Variants in ERBB2 observed in about 807,000 individuals in gnomAD.
The protein encoded by ERBB2 is receptor tyrosine-protein kinase erbB-2.
A neutral mutation model predicts 149.0 loss-of-function variants in ERBB2; 61 were observed. The observed-to-expected ratio is 0.41, with a 90% CI of 0.33 to 0.51. The LOEUF is 0.51. Ranked by LOEUF, ERBB2 falls within the 20% of genes least tolerant of loss-of-function variation. The pLI is 0.25. For missense variants in ERBB2, 1,205 were observed against 1,655.1 expected (o/e 0.73, Z 4.72); for synonymous variants, 633 against 678.8 (o/e 0.93, Z 1.05).
In ERBB2 at chr17:39,726,420, G is replaced by T; in HGVS notation, c.2873-142G>T. ...AAAGGTTCTGGCTGAAGACCCCAGAGTCTGGTGCTACTTCTCTACCACCTG... is the reference window on the plus strand; with the variant it reads ...AAAGGTTCTGGCTGAAGACCCCAGATTCTGGTGCTACTTCTCTACCACCTG... On this transcript the variant is annotated intron_variant, in intron 23 of 26. Coordinates refer to ENST00000269571, the MANE Select transcript of ERBB2 (RefSeq NM_004448.4). This position sits in a 1 kb window ranked among gnomAD's most constrained non-coding sequence, Gnocchi z 5.1. 1.5e-6 allele frequency: 1 copy of T among 676,884 alleles called. No homozygotes were observed. The highest frequency in any genetic ancestry group is 1.6e-5 in the South Asian group (1 of 61,538). The allele number at this position is 676,884 out of a possible 1,614,324, so 41.9% of individuals were successfully genotyped here.
In ERBB2 at chr17:39,725,940, G is replaced by C; in HGVS notation, c.2872+87G>C. The C allele has an allele frequency of 7.1e-7, 1 of 1,405,738 alleles. No homozygotes were observed. Among genetic ancestry groups the C allele is most frequent in the South Asian group, 1.2e-5 (1 of 83,196 alleles). 87.1% of individuals were successfully genotyped at this position (1,405,738 alleles called of 1,614,324 possible). On this transcript the variant is annotated intron_variant, in intron 23 of 26. Transcript: ENST00000269571. The surrounding 1 kb of genome is among the most constrained non-coding windows in gnomAD (Gnocchi z 4.6). The stretch of plus-strand genomic sequence containing the variant: ...CACAAGGGGCATGAAAGGGGACCAG[G>C]ATGTATGTAGACCCAGGAGCCCTAG...
In ERBB2 at chr17:39,709,808, C is replaced by T. The variant is rs745439220; in HGVS notation, c.575-5C>T. ...CTCACTGCCTGTCTCTGGTTCTGTCCTCAGGCCACCCCTGTTCTCCGATGT... is the reference window on the plus strand; with the variant it reads ...CTCACTGCCTGTCTCTGGTTCTGTCTTCAGGCCACCCCTGTTCTCCGATGT... On this transcript the variant is annotated splice_polypyrimidine_tract_variant and splice_region_variant and intron_variant, in intron 4 of 26. Coordinates refer to ENST00000269571, the MANE Select transcript of ERBB2 (RefSeq NM_004448.4). The T allele has an allele frequency of 6.2e-7, 1 of 1,612,746 alleles. No individual in the cohort carries two copies. Among genetic ancestry groups the T allele is most frequent in the South Asian group, 1.1e-5 (1 of 91,074 alleles).
rs963144225 is a variant in ERBB2, at chr17:39,719,896, G to C, written c.1946+62G>C. ...TTCACTCCCCCACTGGATGCTGGGT[G>C]GTCACTGCTGTAGGGAGGGGACCCC... On this transcript the variant is annotated intron_variant, in intron 16 of 26. Coordinates refer to ENST00000269571, the MANE Select transcript of ERBB2 (RefSeq NM_004448.4). 1.4e-5 allele frequency: 22 copies of C among 1,523,396 alleles called. No individual in the cohort carries two copies. In the Admixed American group the frequency reaches 1.5e-4, roughly 10 times the overall value. The allele number at this position is 1,523,396 out of a possible 1,614,324, so 94.4% of individuals were successfully genotyped here. A position where few individuals can be genotyped will look rare whatever the true frequency, so the allele number is the denominator to read the frequency against.
chr17:39,716,650 G>A (rs2145692692), intron 14 of ERBB2, 45 bp downstream of exon 14: 1 of 1,560,536 alleles, frequency 6.4e-7, no homozygotes, highest in South Asian at 1.1e-5. Context: ...GGGGCAGCGA[G>A]GGGGATTGCC....
In ERBB2 at chr17:39,704,304, C is replaced by T. The variant is rs191303038; in HGVS notation, c.74-2686C>T. 1.8e-3 allele frequency among the ~76,000 whole-genome samples: 280 copies of T among 152,118 alleles called. 1 individual carries two copies. The highest frequency in any genetic ancestry group is 6.8e-3 in the Middle Eastern group (2 of 294). On this transcript the variant is annotated intron_variant, in intron 1 of 26. Transcript: ENST00000269571. ...CAGGAAATCAACGGGGACCAGGTGC[C>T]GTGGCTCACACCTGTAATCCCAGCA...
upstream of ERBB2, among the ~76,000 whole-genome samples, chr17:39,695,616 G>A (rs888683593): frequency 1.3e-5 from 2 of 151,448 alleles, no homozygotes; most frequent in Non-Finnish European, 2.9e-5. Context: ...TGGACCAGAC[G>A]ACTCCTCCCG....
At position 39,710,089 on chromosome 17, in the gene ERBB2, C is replaced by T. The variant is rs770976272; in HGVS notation, c.647C>T (p.Thr216Met). 2.5e-5 allele frequency: 40 copies of T among 1,605,858 alleles called. No homozygotes were observed. The highest frequency in any genetic ancestry group is 5.0e-5 in the Admixed American group (3 of 59,936). ...GESSEDCQSL[T>M]RTVCAGGCAR... ...CATCCTGCCCTTTGCCCAACAGTGACGCGCACTGTCTGTGCCGGTGGCTGT... is the reference window on the plus strand; with the variant it reads ...CATCCTGCCCTTTGCCCAACAGTGATGCGCACTGTCTGTGCCGGTGGCTGT... The change falls in exon 6 of 27, where the codon ACG (threonine) becomes ATG (methionine). Residue 216 changes from threonine (T) to methionine (M), a missense_variant. Coordinates refer to ENST00000269571, the MANE Select transcript of ERBB2 (RefSeq NM_004448.4).
chr17:39,727,305 G>A lies in ERBB2; in HGVS notation c.3170G>A (p.Gly1057Glu), dbSNP rs1198735577. 1.2e-6 allele frequency: 2 copies of A among 1,612,898 alleles called. No individual in the cohort carries two copies. Among genetic ancestry groups the A allele is most frequent in the South Asian group, 1.1e-5 (1 of 90,950 alleles). ...HRSSSTRSGG[G>E]DLTLGLEPSE... ...CTTTCTTGTCCCCAGAGTGGCGGTG[G>A]GGACCTGACACTAGGGCTGGAGCCC... The change falls in exon 26 of 27, where the codon GGG (glycine) becomes GAG (glutamate). Residue 1057 changes from glycine to glutamate, a missense_variant. Gly to Glu is a moderately conservative substitution (Grantham distance 98). Transcript: ENST00000269571. The surrounding 1 kb of genome is among the most constrained non-coding windows in gnomAD (Gnocchi z 4.3).
chr17:39,714,018 A>T (rs2058969500), intron 9 of ERBB2, among the ~76,000 whole-genome samples: 1 of 147,124 alleles, frequency 6.8e-6, no homozygotes, highest in African/African-American at 2.5e-5. Flanking sequence ...AAATCATGTC[A>T]CTGTACTCCA....
chr17:39,695,490 A>T (rs2057836939), upstream of ERBB2, among the ~76,000 whole-genome samples: 1 of 151,950 alleles, frequency 6.6e-6, no homozygotes, highest in Non-Finnish European at 1.5e-5. Flanking sequence ...CCTCAAGCCT[A>T]CTCTGAGGAA....
At position 39,725,604 on chromosome 17, in the gene ERBB2, C is replaced by T. The variant is rs1361660066; in HGVS notation, c.2726-103C>T. 2 of 1,346,842 alleles carry T rather than the reference C, an allele frequency of 1.5e-6. No individual in the cohort carries two copies. Among genetic ancestry groups the T allele is most frequent in the African/African-American group, 1.5e-5 (1 of 68,880 alleles). The allele number at this position is 1,346,842 out of a possible 1,614,324, so 83.4% of individuals were successfully genotyped here. On this transcript the variant is annotated intron_variant, in intron 22 of 26. Transcript: ENST00000269571. This position sits in a 1 kb window ranked among gnomAD's most constrained non-coding sequence, Gnocchi z 4.6. ...GGTCTGTCTCCTGGCATCACATCTC[C>T]CCCTGCTACCTGCCATGATGCTAGA...
At chr17:39,705,457 G>A (rs1041224283) in intron 1 of ERBB2, among the ~76,000 whole-genome samples, 1 of 152,216 alleles carries the variant, frequency 6.6e-6, no homozygotes, top group African/African-American at 2.4e-5. Flanking sequence ...GTCTGTTGGG[G>A]GAGGAAGTGT....
chr17:39,693,580 A>T (rs1417953872), upstream of ERBB2, among the ~76,000 whole-genome samples: 1 of 151,772 alleles, frequency 6.6e-6, no homozygotes, highest in Non-Finnish European at 1.5e-5. Flanking sequence ...CTTCTGGGCT[A>T]AAGCAATCCT....
upstream of ERBB2, among the ~76,000 whole-genome samples, chr17:39,691,556 A>AAAAAAAAAAAAAAAAAATATAT (rs573116217): frequency 1.2e-5 from 1 of 84,202 alleles, no homozygotes; most frequent in African/African-American, 5.0e-5. Flanking sequence ...TAAAAAAAAA[A>AAAAAAAAAAAAAAAAAATATAT]ATATATATAT....
rs145256638 is a variant in ERBB2, at chr17:39,727,251, G to T, written c.3160-44G>T. 2 of 1,606,610 alleles carry T rather than the reference G, an allele frequency of 1.2e-6. No homozygotes were observed. The highest frequency in any genetic ancestry group is 2.7e-5 in the African/African-American group (2 of 74,496). On this transcript the variant is annotated intron_variant, in intron 25 of 26. Transcript: ENST00000269571. This position sits in a 1 kb window ranked among gnomAD's most constrained non-coding sequence, Gnocchi z 4.3. ...CACCTTCCATGGAGTCCCCATCCCA[G>T]ATCCGTGAGTGACCCCCATCATGAC...
intron 1 of ERBB2, among the ~76,000 whole-genome samples, chr17:39,701,811 G>A (rs1036728785): frequency 1.3e-5 from 2 of 152,170 alleles, no homozygotes; most frequent in Admixed American, 6.5e-5. Flanking sequence ...CTATGGCCAC[G>A]CCTTCTTGCT....
chr17:39,726,993 C>T lies in ERBB2; in HGVS notation c.3149C>T (p.Ser1050Leu), dbSNP rs199905364. ...ATGGTCCACCACAGGCACCGCAGCTCATCTACCAGGGTCAGTGCCCTCGGT... is the reference window on the plus strand; with the variant it reads ...ATGGTCCACCACAGGCACCGCAGCTTATCTACCAGGGTCAGTGCCCTCGGT... ...GGMVHHRHRS[S>L]STRSGGGDLT... The change falls in exon 25 of 27, where the codon TCA (serine) becomes TTA (leucine). Residue 1050 changes from serine (S) to leucine (L), a missense_variant. By Grantham distance (145) the Ser-to-Leu change is moderately radical. Transcript: ENST00000269571. This position sits in a 1 kb window ranked among gnomAD's most constrained non-coding sequence, Gnocchi z 5.1. 122 of 1,599,484 alleles carry T rather than the reference C, an allele frequency of 7.6e-5. 2 individuals carry two copies. In the East Asian group the frequency reaches 2.6e-3, roughly 34 times the overall value.
chr17:39,695,958 G>A (rs112776974), upstream of ERBB2, among the ~76,000 whole-genome samples: 223 of 152,220 alleles, frequency 1.5e-3, 1 homozygote, highest in African/African-American at 4.7e-3. Context: ...CCTGATCTGA[G>A]TTTGCTGCCC....
At chr17:39,694,292 C>CAT (rs1232738010), upstream of ERBB2, among the ~76,000 whole-genome samples, 5 of 38,860 alleles carry the variant, frequency 1.3e-4, 1 homozygote, top group Non-Finnish European at 2.6e-4. Flanking sequence ...TATATATACA[C>CAT]ATATATATGT....
Sources: allele counts gnomAD v4.1 joint callset (sites outside exome capture counted in the v4.1 genomes callset), GRCh38; gene constraint gnomAD v4.1.1; non-coding constraint Gnocchi (gnomAD v3.1); transcripts MANE v1.5; gene names NCBI Gene and HGNC (gene_info 2026-07-23, HGNC 2026-07-21).